The following NPAS3 variants were observed in gnomAD, a reference collection of about 807,000 sequenced individuals.
NPAS3 encodes neuronal PAS domain-containing protein 3.
In NPAS3, 14 loss-of-function variants were observed where a neutral mutation model predicts 73.1. That is an observed-to-expected ratio of 0.19 (90% CI 0.13 to 0.30). The LOEUF (loss-of-function observed/expected upper bound fraction) is 0.30, where lower values mean the gene tolerates loss of function less well. Ranked by LOEUF, NPAS3 falls within the 10% of genes least tolerant of loss-of-function variation. NPAS3 has a pLI of 1.00. For synonymous variants in NPAS3, 620 were observed against 541.5 expected, an observed-to-expected ratio of 1.14 and a Z score of -2.01; for missense variants, 1,096 against 1,250.0, an observed-to-expected ratio of 0.88 and a Z score of 1.86.
intron 1 of NPAS3, among the ~76,000 whole-genome samples, chr14:33,005,625 A>C (rs10150095): frequency 0.11 from 15,981 of 152,114 alleles, 1,476 homozygotes; most frequent in African/African-American, 0.25. Flanking sequence ...AAATAGAGGA[A>C]ACCCTTTAGT....
At chr14:33,721,930 C>T (rs933672537) in intron 6 of NPAS3, among the ~76,000 whole-genome samples, 1 of 152,148 alleles carries the variant, frequency 6.6e-6, no homozygotes, top group East Asian at 1.9e-4. Flanking sequence ...CCTACTGATA[C>T]TGATGGATTC....
intron 5 of NPAS3, among the ~76,000 whole-genome samples, chr14:33,584,174 A>T (rs2056778851): frequency 6.6e-6 from 1 of 152,198 alleles, no homozygotes; most frequent in Non-Finnish European, 1.5e-5. Context: ...CAAACACTAG[A>T]TGTTATTTAA....
At chr14:33,735,310 A>C (rs1254661602) in exon 7 of NPAS3, 1 of 1,613,078 alleles carries the variant, frequency 6.2e-7, no homozygotes, top group Non-Finnish European at 8.5e-7. Flanking sequence ...CGCGGTGTGC[A>C]CATCAAATCA....
At chr14:33,777,654 A>G (rs967118849) in intron 8 of NPAS3, among the ~76,000 whole-genome samples, 1 of 152,204 alleles carries the variant, frequency 6.6e-6, no homozygotes, top group Admixed American at 6.5e-5. Context: ...ACTTGGTAAT[A>G]CAGAGGGTAA....
In NPAS3 at chr14:33,287,990, A is replaced by G. The variant is rs571701736; in HGVS notation, c.385+72564A>G. 3.9e-5 allele frequency among the ~76,000 whole-genome samples: 6 copies of G among 151,978 alleles called. No homozygotes were observed. The South Asian group carries it at 1.2e-3, about 32-fold the overall frequency. Reference sequence around the variant, plus strand: ...TCAAAATCAGTTTTATAAGCACACCAACCATATCTCTTAGTTGCACTATCT... The same window carrying G: ...TCAAAATCAGTTTTATAAGCACACCGACCATATCTCTTAGTTGCACTATCT... On this transcript the variant is annotated intron_variant, in intron 3 of 11. Coordinates refer to ENST00000356141, the Ensembl canonical transcript of NPAS3.
At chr14:33,312,742 C>T (rs2043053757) in intron 3 of NPAS3, among the ~76,000 whole-genome samples, 1 of 151,926 alleles carries the variant, frequency 6.6e-6, no homozygotes, top group Non-Finnish European at 1.5e-5. Context: ...GTATAATTAG[C>T]ATTTTTCTCA....
intron 3 of NPAS3, among the ~76,000 whole-genome samples, chr14:33,229,507 CT>C (rs2047765171): frequency 6.6e-6 from 1 of 152,288 alleles, no homozygotes; most frequent in South Asian, 2.1e-4. Context: ...TCACATGCAT[CT>C]CACTTAAAGC....
intron 5 of NPAS3, among the ~76,000 whole-genome samples, chr14:33,643,334 C>A (rs2058726199): frequency 1.3e-5 from 2 of 148,612 alleles, no homozygotes; most frequent in African/African-American, 5.0e-5. Context: ...AACACCAACA[C>A]CCCAGTTCTG....
chr14:33,580,154 G>A lies in NPAS3; in HGVS notation c.558+19944G>A, dbSNP rs577439200. ...TAATATATTTAAAATATTCTAAGATGCAGAATTTGGCCATTGGACAAACCA... is the reference window on the plus strand; with the variant it reads ...TAATATATTTAAAATATTCTAAGATACAGAATTTGGCCATTGGACAAACCA... On this transcript the variant is annotated intron_variant, in intron 5 of 11. Transcript: ENST00000356141. Among the ~76,000 whole-genome samples, 21 of 152,184 alleles carry A rather than the reference G, an allele frequency of 1.4e-4. 1 individual carries two copies. In the South Asian group the frequency reaches 3.9e-3, roughly 29 times the overall value.
intron 5 of NPAS3, among the ~76,000 whole-genome samples, chr14:33,665,803 T>G (rs765245365): frequency 5.9e-5 from 9 of 152,238 alleles, no homozygotes; most frequent in Middle Eastern, 6.8e-3. Flanking sequence ...CTGTCTCTAA[T>G]TAATTAATTA....
intron 5 of NPAS3, among the ~76,000 whole-genome samples, chr14:33,604,789 A>T (rs1289940995): frequency 6.6e-6 from 1 of 152,124 alleles, no homozygotes; most frequent in East Asian, 1.9e-4. Context: ...ACTAGAAATC[A>T]TAACAGAAAA....
chr14:33,543,115 C>A (rs2054596045), intron 4 of NPAS3, among the ~76,000 whole-genome samples: 1 of 152,134 alleles, frequency 6.6e-6, no homozygotes, highest in Admixed American at 6.5e-5. Flanking sequence ...AAAAGAGAAC[C>A]TTGCCAAGTG....
intron 6 of NPAS3, among the ~76,000 whole-genome samples, chr14:33,733,999 C>T (rs543696514): frequency 8.5e-5 from 13 of 152,272 alleles, no homozygotes; most frequent in Non-Finnish European, 1.3e-4. Flanking sequence ...AAAGAGATTA[C>T]TCACCCTTAG....
rs1307975618 is a variant in NPAS3, at chr14:33,512,484, A to ATCT, written c.469-47635_469-47633dup. ...ACTTCCAGATTTGTCAGATCAAAAT[A>ATCT]TCTTATAAATGACTCAAATGTTATA... On this transcript the variant is annotated intron_variant, in intron 4 of 11. Coordinates refer to ENST00000356141, the Ensembl canonical transcript of NPAS3. Among the ~76,000 whole-genome samples, 4 of 152,066 alleles carry ATCT rather than the reference A, an allele frequency of 2.6e-5. 1 individual carries two copies. The highest frequency in any genetic ancestry group is 2.0e-4 in the Admixed American group (3 of 15,250).
intron 5 of NPAS3, among the ~76,000 whole-genome samples, chr14:33,604,022 AC>A (rs1173180845): frequency 6.6e-6 from 1 of 152,106 alleles, no homozygotes; most frequent in Non-Finnish European, 1.5e-5. Flanking sequence ...TAAAAAAAAA[AC>A]AAAGAGTTAT....
chr14:33,235,282 A>G (rs1006820717), intron 3 of NPAS3, among the ~76,000 whole-genome samples: 4 of 152,040 alleles, frequency 2.6e-5, no homozygotes, highest in African/African-American at 9.7e-5. Context: ...TTTTACCTGC[A>G]CGCGTTAATT....
At chr14:33,598,501 G>A (rs761010684) in intron 5 of NPAS3, among the ~76,000 whole-genome samples, 30 of 152,276 alleles carry the variant, frequency 2.0e-4, no homozygotes, top group South Asian at 6.2e-4. Context: ...CTCTCAATCC[G>A]AGCAGTAGGC....
chr14:33,412,411 C>T (rs1167128869), intron 4 of NPAS3, among the ~76,000 whole-genome samples: 1 of 152,214 alleles, frequency 6.6e-6, no homozygotes, highest in Non-Finnish European at 1.5e-5. Context: ...TGAGCCACTA[C>T]ACCTGGCCGG....
intron 1 of NPAS3, among the ~76,000 whole-genome samples, chr14:33,037,483 A>C (rs2040207748): frequency 8.5e-6 from 1 of 117,992 alleles, no homozygotes; most frequent in African/African-American, 4.6e-5. Context: ...CATCTCAGCA[A>C]AAAAAAAAAA....
Sources: allele counts gnomAD v4.1 joint callset (sites outside exome capture counted in the v4.1 genomes callset), GRCh38; gene constraint gnomAD v4.1.1; transcripts MANE v1.5; gene names NCBI Gene and HGNC (gene_info 2026-07-23, HGNC 2026-07-21).